The following TTC29 variants were observed in gnomAD, a reference collection of about 807,000 sequenced individuals.
TTC29 encodes the protein tetratricopeptide repeat domain 29, also known as tetratricopeptide repeat protein 29.
A neutral mutation model predicts 58.1 loss-of-function variants in TTC29; 49 were observed. The observed-to-expected ratio is 0.84, with a 90% CI of 0.67 to 1.07. The LOEUF is 1.07. Ranked by LOEUF, TTC29 falls within the 50% of genes least tolerant of loss-of-function variation. The pLI, the probability that TTC29 is intolerant of heterozygous loss-of-function variation, is 0.00. For synonymous variants in TTC29, 209 were observed against 196.8 expected, an observed-to-expected ratio of 1.06 and a Z score of -0.52; for missense variants, 582 against 555.6, an observed-to-expected ratio of 1.05 and a Z score of -0.48.
At chr4:146,885,228 T>G (rs1206647634) in intron 6 of TTC29, among the ~76,000 whole-genome samples, 1 of 151,750 alleles carries the variant, frequency 6.6e-6, no homozygotes, top group Non-Finnish European at 1.5e-5. Flanking sequence ...ATTTTGAAAA[T>G]GTAATGCAAT....
At chr4:146,741,034 G>A (rs1745101485) in intron 11 of TTC29, among the ~76,000 whole-genome samples, 1 of 152,196 alleles carries the variant, frequency 6.6e-6, no homozygotes, top group Non-Finnish European at 1.5e-5. Flanking sequence ...ACAATCTTAT[G>A]CCTTAATGAT....
intron 7 of TTC29, among the ~76,000 whole-genome samples, chr4:146,869,006 T>C (rs1730749688): frequency 6.6e-6 from 1 of 151,258 alleles, no homozygotes; most frequent in South Asian, 2.1e-4. Context: ...CTGCTCCCCT[T>C]CGCCTTCTGC....
intron 11 of TTC29, among the ~76,000 whole-genome samples, chr4:146,756,975 T>C (rs1746501026): frequency 6.6e-6 from 1 of 152,190 alleles, no homozygotes; most frequent in Non-Finnish European, 1.5e-5. Context: ...GGGCTTTGCC[T>C]TTCTCTGGTC....
rs113405825 is a variant in TTC29 at position 146,831,582 on chromosome 4, C to T, written c.977+2224G>A. On this transcript the variant is annotated intron_variant, in intron 9 of 12. Transcript: ENST00000325106. ...ATGATATATCAAATATAGCTGTATC[C>T]CGTCCCACTCCCAAGCTCCAAATAA... The T allele has an allele frequency of 6.4e-3, 2,047 of 321,230 alleles. 38 individuals are homozygous for T. The highest frequency in any genetic ancestry group is 0.038 in the African/African-American group (1,752 of 46,712). The allele number at this position is 321,230 out of a possible 1,614,324, so 19.9% of individuals were successfully genotyped here.
intron 3 of TTC29, among the ~76,000 whole-genome samples, chr4:146,938,153 A>G (rs1488560518): frequency 6.6e-6 from 1 of 152,166 alleles, no homozygotes; most frequent in African/African-American, 2.4e-5. Context: ...TAAAACTCAA[A>G]TTATTAAAGG....
chr4:146,924,572 T>C (rs1338344015), intron 4 of TTC29, among the ~76,000 whole-genome samples: 4 of 151,930 alleles, frequency 2.6e-5, no homozygotes, highest in Non-Finnish European at 4.4e-5. Context: ...TTAATATCTG[T>C]GTAATCTGTA....
intron 5 of TTC29, 75 bp from the exon 6 acceptor site, chr4:146,903,804 A>G (rs1410778564): frequency 1.8e-6 from 2 of 1,081,340 alleles, no homozygotes; most frequent in Admixed American, 3.9e-5. Context: ...CGGCAAACCA[A>G]TATCATGACT....
chr4:146,764,752 G>T (rs1466896809), intron 11 of TTC29, among the ~76,000 whole-genome samples: 8 of 152,048 alleles, frequency 5.3e-5, no homozygotes, highest in Non-Finnish European at 1.0e-4. Context: ...TAACAATGTT[G>T]AGTAAAGCAA....
At chr4:146,784,337 T>G (rs185618382) in intron 11 of TTC29, among the ~76,000 whole-genome samples, 1 of 152,006 alleles carries the variant, frequency 6.6e-6, no homozygotes, top group Non-Finnish European at 1.5e-5. Flanking sequence ...CACAGTAAAA[T>G]GGGAAGAGTG....
intron 4 of TTC29, among the ~76,000 whole-genome samples, chr4:146,922,338 T>TA (rs1444835251): frequency 6.6e-6 from 1 of 151,342 alleles, no homozygotes; most frequent in African/African-American, 2.4e-5. Context: ...AGTAAGTTAA[T>TA]AAAATGATAA....
intron 10 of TTC29, among the ~76,000 whole-genome samples, chr4:146,815,753 G>T (rs1751356307): frequency 6.6e-6 from 1 of 152,170 alleles, no homozygotes; most frequent in Non-Finnish European, 1.5e-5. Flanking sequence ...TCTAAGTGAA[G>T]ACATCAAGTA....
chr4:146,763,845 C>T (rs1286834009), intron 11 of TTC29: 1 of 152,078 alleles, frequency 6.6e-6, no homozygotes, highest in African/African-American at 2.4e-5. Context: ...TCTTTTCAAT[C>T]TGTATCTTAT....
chr4:146,795,540 ATATT>A (rs1299575992), intron 11 of TTC29, among the ~76,000 whole-genome samples: 2 of 152,196 alleles, frequency 1.3e-5, no homozygotes, highest in African/African-American at 2.4e-5. Flanking sequence ...AGATCACAGA[ATATT>A]TATCCTCATC....
At chr4:146,831,371 T>C (rs1728147832) in intron 9 of TTC29, among the ~76,000 whole-genome samples, 1 of 152,158 alleles carries the variant, frequency 6.6e-6, no homozygotes, top group African/African-American at 2.4e-5. Flanking sequence ...AGTGCTGGGA[T>C]AACAAGTGTG....
intron 11 of TTC29, among the ~76,000 whole-genome samples, chr4:146,794,336 T>C (rs1749680985): frequency 1.3e-5 from 2 of 152,100 alleles, no homozygotes; most frequent in African/African-American, 2.4e-5. Flanking sequence ...TTGCTCACAT[T>C]GTATTCAACA....
At chr4:146,762,346 CTT>C (rs34223852) in intron 11 of TTC29, among the ~76,000 whole-genome samples, 9 of 136,692 alleles carry the variant, frequency 6.6e-5, no homozygotes, top group South Asian at 2.3e-4. Context: ...AGTGTAATTT[CTT>C]TTTTTTTTTT....
At chr4:146,751,163 T>G (rs561629135) in intron 11 of TTC29, among the ~76,000 whole-genome samples, 21 of 152,286 alleles carry the variant, frequency 1.4e-4, no homozygotes, top group East Asian at 5.8e-4. Context: ...CAAGAGGACA[T>G]AATCATTGTA....
At chr4:146,903,943 G>A (rs140446218) in intron 5 of TTC29, among the ~76,000 whole-genome samples, 2 of 152,062 alleles carry the variant, frequency 1.3e-5, no homozygotes, top group Non-Finnish European at 2.9e-5. Context: ...GCAACAAAAG[G>A]CTTTCTGAAA....
chr4:146,792,391 T>C (rs922084879), intron 11 of TTC29, among the ~76,000 whole-genome samples: 2 of 152,192 alleles, frequency 1.3e-5, no homozygotes, highest in Non-Finnish European at 2.9e-5. Flanking sequence ...ATCAAGTCTG[T>C]TGTAGCATGG....
Sources: gnomAD v4.1 joint callset for allele counts (sites outside exome capture counted in the v4.1 genomes callset) on GRCh38, gnomAD v4.1.1 for gene constraint, MANE v1.5 for transcripts, NCBI Gene and HGNC (gene_info 2026-07-23, HGNC 2026-07-21) for gene names.